Variants in DCPS observed in about 807,000 individuals in gnomAD.
DCPS encodes decapping enzyme, scavenger.
Under a neutral mutation model 34.7 loss-of-function variants are expected in DCPS, and 27 were observed. That is an observed-to-expected ratio of 0.78 (90% CI 0.57 to 1.07). The LOEUF (loss-of-function observed/expected upper bound fraction) is 1.07, where lower values mean the gene tolerates loss of function less well. Ranked by LOEUF, DCPS falls within the 50% of genes least tolerant of loss-of-function variation. DCPS has a pLI of 0.00. For missense variants in DCPS, 464 were observed against 436.9 expected, an observed-to-expected ratio of 1.06 and a Z score of -0.55; for synonymous variants, 185 against 185.7, an observed-to-expected ratio of 1.00 and a Z score of 0.03.
intron 1 of DCPS, among the ~76,000 whole-genome samples, chr11:126,306,325 A>G (rs1008900201): frequency 6.6e-6 from 1 of 151,906 alleles, no homozygotes; most frequent in African/African-American, 2.4e-5. Flanking sequence ...GTGAGCCAAG[A>G]TCGCGCCATT....
Position 126,337,937 on chromosome 11 carries a change from AG to A in DCPS, c.523-344del, listed in dbSNP as rs574604734. 5.3e-4 allele frequency: 130 copies of A among 245,542 alleles called. No individual in the cohort carries two copies. The highest frequency in any genetic ancestry group is 5.4e-4 in the Admixed American group (11 of 20,410). 15.2% of individuals were successfully genotyped at this position (245,542 alleles called of 1,614,324 possible). ...TTCCCCTGAGTCCTGTGAGCGGTGG[AG>A]GGGGTCACTGCTATAGAGGGCAGAC... On this transcript the variant is annotated intron_variant, in intron 3 of 5. Coordinates refer to ENST00000263579, the MANE Select transcript of DCPS (RefSeq NM_014026.6). This position sits in a 1 kb window ranked among gnomAD's most constrained non-coding sequence, Gnocchi z 5.3.
chr11:126,326,322 G>T (rs886190168), intron 2 of DCPS, among the ~76,000 whole-genome samples: 64 of 152,300 alleles, frequency 4.2e-4, no homozygotes, highest in Middle Eastern at 3.4e-3. Context: ...CTCTTCTGCT[G>T]ACCTGCCGTG....
In DCPS at chr11:126,345,838, G is replaced by GA. The variant is rs1481637989; in HGVS notation, c.*228dup. 2 of 656,470 alleles carry GA rather than the reference G, an allele frequency of 3.0e-6. No homozygotes were observed. Among genetic ancestry groups the GA allele is most frequent in the Non-Finnish European group, 5.0e-6 (2 of 396,744 alleles). 40.7% of individuals were successfully genotyped at this position (656,470 alleles called of 1,614,324 possible). A position where few individuals can be genotyped will look rare whatever the true frequency, so the allele number is the denominator to read the frequency against. On this transcript the variant is annotated 3_prime_UTR_variant, in exon 6 of 6. Coordinates refer to ENST00000263579, the MANE Select transcript of DCPS (RefSeq NM_014026.6). This position sits in a 1 kb window ranked among gnomAD's most constrained non-coding sequence, Gnocchi z 7.4. ...CTGTGGGAAGGCCTTGAGAATGGTG[G>GA]AAAGTCTCCAGGTGGTGGTTTCAAC... is the stretch of plus-strand genomic sequence containing the variant.
intron 2 of DCPS, among the ~76,000 whole-genome samples, chr11:126,324,721 C>G (rs1951728829): frequency 6.7e-6 from 1 of 149,764 alleles, no homozygotes; most frequent in African/African-American, 2.5e-5. Flanking sequence ...AGCAATCTCC[C>G]TGCCTTGGCC....
At position 126,338,163 on chromosome 11, in the gene DCPS, G is replaced by A; in HGVS notation, c.523-123G>A. The stretch of plus-strand genomic sequence containing the variant: ...CCCGGATGTAGATCCTCTGAGCGTG[G>A]CGGCCTTTTATGGCTTGGTTCTGTC... On this transcript the variant is annotated intron_variant, in intron 3 of 5. Coordinates refer to ENST00000263579, the MANE Select transcript of DCPS (RefSeq NM_014026.6). The surrounding 1 kb of genome is among the most constrained non-coding windows in gnomAD (Gnocchi z 5.4). 1 of 816,248 alleles carries A rather than the reference G, an allele frequency of 1.2e-6. No homozygotes were observed. The highest frequency in any genetic ancestry group is 2.0e-6 in the Non-Finnish European group (1 of 491,282). 50.6% of individuals were successfully genotyped at this position (816,248 alleles called of 1,614,324 possible).
intron 2 of DCPS, among the ~76,000 whole-genome samples, chr11:126,307,342 A>G (rs201666273): frequency 1.3e-5 from 2 of 151,420 alleles, no homozygotes. Context: ...CAAAAAAAAA[A>G]AAAAAAAAGA....
At position 126,323,589 on chromosome 11, in the gene DCPS, G is replaced by A. The variant is rs139412283; in HGVS notation, c.377-7816G>A. Among the ~76,000 whole-genome samples, 581 of 151,364 alleles carry A rather than the reference G, an allele frequency of 3.8e-3. 3 individuals carry two copies. Among genetic ancestry groups the A allele is most frequent in the African/African-American group, 0.013 (554 of 41,164 alleles). On this transcript the variant is annotated intron_variant, in intron 2 of 5. Coordinates refer to ENST00000263579, the MANE Select transcript of DCPS (RefSeq NM_014026.6). This position sits in a 1 kb window ranked among gnomAD's most constrained non-coding sequence, Gnocchi z 4.4. ...CTTGCTCAGTCACCCAGGCTGGAGC[G>A]CAGTGGCACGATCACAGCTCACTGC...
Position 126,322,244 on chromosome 11 carries a change from A to T in DCPS, c.377-9161A>T, listed in dbSNP as rs539880398. ...TGATCTCAGACTCCACAACAACAGCATTCAGATCTTCTTATTTTTATTTAT... is the reference window on the plus strand; with the variant it reads ...TGATCTCAGACTCCACAACAACAGCTTTCAGATCTTCTTATTTTTATTTAT... On this transcript the variant is annotated intron_variant, in intron 2 of 5. Transcript: ENST00000263579. The surrounding 1 kb of genome is among the most constrained non-coding windows in gnomAD (Gnocchi z 4.2). 4.0e-4 allele frequency among the ~76,000 whole-genome samples: 61 copies of T among 152,046 alleles called. No individual in the cohort carries two copies. The highest frequency in any genetic ancestry group is 6.5e-4 in the Non-Finnish European group (44 of 67,966).
chr11:126,308,210 GAA>G (rs1440274897), intron 2 of DCPS, among the ~76,000 whole-genome samples: 1 of 152,196 alleles, frequency 6.6e-6, no homozygotes, highest in Non-Finnish European at 1.5e-5. Context: ...AGCTTTGTTG[GAA>G]ACATGAGTGA....
chr11:126,335,284 T>C lies in DCPS; in HGVS notation c.523-3002T>C, dbSNP rs1012331835. 6.6e-6 allele frequency among the ~76,000 whole-genome samples: 1 copy of C among 152,244 alleles called. No individual in the cohort carries two copies. Among genetic ancestry groups the C allele is most frequent in the Non-Finnish European group, 1.5e-5 (1 of 68,046 alleles). On this transcript the variant is annotated intron_variant, in intron 3 of 5. Coordinates refer to ENST00000263579, the MANE Select transcript of DCPS (RefSeq NM_014026.6). The surrounding 1 kb of genome is among the most constrained non-coding windows in gnomAD (Gnocchi z 4.8). ...CGAGGGAGCTGCCAATGTCACCTAC[T>C]GCAAAGAAGTCCAGCCAGGTGAGTT...
rs1227467055 is a variant in DCPS, at chr11:126,319,193, C to T, written c.377-12212C>T. ...CTGGAGGCATCACTATCATCATTCT[C>T]GCCGCTAGAACATCCTGTAGATGAA... On this transcript the variant is annotated intron_variant, in intron 2 of 5. Coordinates refer to ENST00000263579, the MANE Select transcript of DCPS (RefSeq NM_014026.6). This position sits in a 1 kb window ranked among gnomAD's most constrained non-coding sequence, Gnocchi z 4.5. 6.6e-6 allele frequency among the ~76,000 whole-genome samples: 1 copy of T among 152,052 alleles called. No homozygotes were observed. Among genetic ancestry groups the T allele is most frequent in the Admixed American group, 6.6e-5 (1 of 15,250 alleles).
In DCPS at chr11:126,315,809, G is replaced by A. The variant is rs1469255446; in HGVS notation, c.376+9065G>A. On this transcript the variant is annotated intron_variant, in intron 2 of 5. Coordinates refer to ENST00000263579, the MANE Select transcript of DCPS (RefSeq NM_014026.6). This position sits in a 1 kb window ranked among gnomAD's most constrained non-coding sequence, Gnocchi z 6.1. ...GCTCATTGCAACCTCCACCTCCCGG[G>A]TTGAAGCGATTCTCCTGCCTCAGCC... is the stretch of plus-strand genomic sequence containing the variant. Among the ~76,000 whole-genome samples, 2 of 151,996 alleles carry A rather than the reference G, an allele frequency of 1.3e-5. No homozygotes were observed. Among genetic ancestry groups the A allele is most frequent in the African/African-American group, 2.4e-5 (1 of 41,300 alleles).
intron 2 of DCPS, among the ~76,000 whole-genome samples, chr11:126,307,366 A>G (rs2135308058): frequency 6.7e-6 from 1 of 150,280 alleles, no homozygotes; most frequent in Non-Finnish European, 1.5e-5. Flanking sequence ...ACCTTGTTGT[A>G]GTGTAGTATG....
At position 126,346,486 on chromosome 11, in the gene DCPS, G is replaced by C. The variant is rs1248396544; in HGVS notation, c.*873G>C. On this transcript the variant is annotated 3_prime_UTR_variant, in exon 6 of 6. Coordinates refer to ENST00000263579, the MANE Select transcript of DCPS (RefSeq NM_014026.6). The surrounding 1 kb of genome is among the most constrained non-coding windows in gnomAD (Gnocchi z 4.1). ...AAGGGACCTCAAAGCGTCAGAGGCT[G>C]ATGAGCAGTTAGGCAGCCAACAGGG... Among the ~76,000 whole-genome samples the C allele has an allele frequency of 6.6e-6, 1 of 152,246 alleles. No individual in the cohort carries two copies. Among genetic ancestry groups the C allele is most frequent in the East Asian group, 1.9e-4 (1 of 5,192 alleles).
chr11:126,333,459 A>T lies in DCPS; in HGVS notation c.522+1909A>T, dbSNP rs1469555786. Among the ~76,000 whole-genome samples the T allele has an allele frequency of 6.6e-6, 1 of 152,206 alleles. No individual in the cohort carries two copies. The highest frequency in any genetic ancestry group is 2.4e-5 in the African/African-American group (1 of 41,456). On this transcript the variant is annotated intron_variant, in intron 3 of 5. Transcript: ENST00000263579. The surrounding 1 kb of genome is among the most constrained non-coding windows in gnomAD (Gnocchi z 5.7). Reference sequence around the variant, plus strand: ...ATGGGATAAGCACTCTGATGCCTAGACGAACTACCGTGGTGATGCAGAGGG... The same window carrying T: ...ATGGGATAAGCACTCTGATGCCTAGTCGAACTACCGTGGTGATGCAGAGGG...
At chr11:126,304,509 C>T (rs1011620016) in intron 1 of DCPS, among the ~76,000 whole-genome samples, 1 of 152,120 alleles carries the variant, frequency 6.6e-6, no homozygotes, top group African/African-American at 2.4e-5. Context: ...AATGTCTCCA[C>T]TAGAAATATC....
At position 126,337,987 on chromosome 11, in the gene DCPS, G is replaced by A. The variant is rs1951845688; in HGVS notation, c.523-299G>A. 8 of 383,448 alleles carry A rather than the reference G, an allele frequency of 2.1e-5. No individual in the cohort carries two copies. The highest frequency in any genetic ancestry group is 3.4e-5 in the Non-Finnish European group (7 of 204,214). The allele number at this position is 383,448 out of a possible 1,614,324, so 23.8% of individuals were successfully genotyped here. ...ACACAGCCTGGGTTTGGAGGCCTCC[G>A]CAGAGCATGTGCACTATGCTGACCA... On this transcript the variant is annotated intron_variant, in intron 3 of 5. Transcript: ENST00000263579. This position sits in a 1 kb window ranked among gnomAD's most constrained non-coding sequence, Gnocchi z 5.3.
In DCPS at chr11:126,306,763, G is replaced by T; in HGVS notation, c.376+19G>T. Reference sequence around the variant, plus strand: ...CTGAATGGTGAGCAAGAGGTGGCCAGGGTGGCTGTATGGAGGGAGAATGGG... The same window carrying T: ...CTGAATGGTGAGCAAGAGGTGGCCATGGTGGCTGTATGGAGGGAGAATGGG... On this transcript the variant is annotated intron_variant, in intron 2 of 5. Transcript: ENST00000263579. 6.3e-7 allele frequency: 1 copy of T among 1,584,428 alleles called. No homozygotes were observed. The highest frequency in any genetic ancestry group is 8.6e-7 in the Non-Finnish European group (1 of 1,156,418).
At position 126,343,000 on chromosome 11, in the gene DCPS, G is replaced by A. The variant is rs1366525825; in HGVS notation, c.637-307G>A. On this transcript the variant is annotated intron_variant, in intron 4 of 5. Transcript: ENST00000263579. The surrounding 1 kb of genome is among the most constrained non-coding windows in gnomAD (Gnocchi z 4.4). ...CAGAAGAATCGCTTGAACCCAGGAG[G>A]CGGAGGTTGCAGTGAGCCAAGATTG... 6.6e-6 allele frequency among the ~76,000 whole-genome samples: 1 copy of A among 151,358 alleles called. No individual in the cohort carries two copies. Among genetic ancestry groups the A allele is most frequent in the African/African-American group, 2.4e-5 (1 of 41,142 alleles).
Sources: allele counts gnomAD v4.1 joint callset (sites outside exome capture counted in the v4.1 genomes callset), GRCh38; gene constraint gnomAD v4.1.1; non-coding constraint Gnocchi (gnomAD v3.1); transcripts MANE v1.5; gene names NCBI Gene and HGNC (gene_info 2026-07-23, HGNC 2026-07-21).